Variants in RB1CC1 observed in about 807,000 individuals in gnomAD.
The protein encoded by RB1CC1 is RB1-inducible coiled-coil protein 1.
RB1CC1 carries 46 observed loss-of-function variants against 177.5 expected under a neutral mutation model. The observed-to-expected ratio is 0.26, with a 90% CI of 0.20 to 0.33. The LOEUF (loss-of-function observed/expected upper bound fraction) is 0.33, where lower values mean the gene tolerates loss of function less well. Ranked by LOEUF, RB1CC1 falls within the 10% of genes least tolerant of loss-of-function variation. RB1CC1 has a pLI of 1.00. For synonymous variants in RB1CC1, 666 were observed against 613.6 expected (o/e 1.09, Z -1.26); for missense variants, 1,703 against 1,816.3 (o/e 0.94, Z 1.13).
intron 1 of RB1CC1, among the ~76,000 whole-genome samples, chr8:52,704,453 A>AT (rs1216597760): frequency 3.2e-5 from 3 of 93,412 alleles, no homozygotes; most frequent in Admixed American, 2.0e-4. Flanking sequence ...CAAAGGTGAC[A>AT]TTAAAAAAAA....
At position 52,656,655 on chromosome 8, in the gene RB1CC1, GCAT is replaced by G; in HGVS notation, c.3171_3173del (p.Arg1057_Cys1058delinsSer). 1 of 1,613,826 alleles carries G rather than the reference GCAT, an allele frequency of 6.2e-7. No homozygotes were observed. The highest frequency in any genetic ancestry group is 2.2e-5 in the East Asian group (1 of 44,854). ...TCAACGCAAGTTCAACCTCTAACTT[GCAT>G]CTCGTGTCTGACAAATCAGAAACCT... On this transcript the variant is annotated inframe_deletion, in exon 15 of 24. Coordinates refer to ENST00000025008, the MANE Select transcript of RB1CC1 (RefSeq NM_014781.5).
At chr8:52,660,491 T>G in intron 12 of RB1CC1, 105 bp downstream of exon 12, 1 of 1,113,908 alleles carries the variant, frequency 9.0e-7, no homozygotes, top group Non-Finnish European at 1.3e-6. Context: ...TTGATTTTTT[T>G]TAAACCACAA....
chr8:52,630,633 G>T, intron 20 of RB1CC1, 105 bp from the exon 21 acceptor site: 1 of 1,112,508 alleles, frequency 9.0e-7, no homozygotes, highest in Middle Eastern at 2.1e-4. Context: ...CCTGTGTCCA[G>T]CTTTAAAGAG....
At chr8:52,691,311 T>C (rs1232584826) in intron 1 of RB1CC1, among the ~76,000 whole-genome samples, 3 of 152,180 alleles carry the variant, frequency 2.0e-5, no homozygotes, top group Non-Finnish European at 4.4e-5. Context: ...CAATAAGCTG[T>C]AGCAGCTGTG....
rs1563401350 is a variant in RB1CC1, at chr8:52,662,811, T to G, written c.1174-1092A>C. 3.9e-5 allele frequency among the ~76,000 whole-genome samples: 6 copies of G among 152,070 alleles called. No homozygotes were observed. In the South Asian group the frequency reaches 1.2e-3, roughly 31 times the overall value. Reference sequence around the variant, plus strand: ...GCCTTTTTTTTCCCTTTCAATATACTCTTTGGTTAACTGCAACTATAATTT... The same window carrying G: ...GCCTTTTTTTTCCCTTTCAATATACGCTTTGGTTAACTGCAACTATAATTT... On this transcript the variant is annotated intron_variant, in intron 8 of 23. Coordinates refer to ENST00000025008, the MANE Select transcript of RB1CC1 (RefSeq NM_014781.5).
chr8:52,628,095 G>T lies in RB1CC1; in HGVS notation c.4573C>A (p.Pro1525Thr). The T allele has an allele frequency of 6.2e-7, 1 of 1,605,848 alleles. No individual in the cohort carries two copies. The highest frequency in any genetic ancestry group is 1.1e-5 in the South Asian group (1 of 90,546). ...TCTGAATGTAGAAAATATAAAGTAG[G>T]ACTAACAGTAAATAACACATAATTG... ...HDNYVLFTVS[P>T]TLYFLHSESL... The change falls in exon 22 of 24, where the codon CCT (proline) becomes ACT (threonine). Residue 1525 changes from proline (P) to threonine (T), a missense_variant. Physicochemically the swap from Pro to Thr is conservative, Grantham distance 38. Coordinates refer to ENST00000025008, the MANE Select transcript of RB1CC1 (RefSeq NM_014781.5).
Position 52,660,579 on chromosome 8 carries a change from A to G in RB1CC1, c.1689+17T>C. ...AAACATATGGAATTTAGTCATGGTT[A>G]GAAAATAAATACATACACAAAAGGA... On this transcript the variant is annotated intron_variant, in intron 12 of 23. Transcript: ENST00000025008. The G allele has an allele frequency of 6.4e-7, 1 of 1,569,992 alleles. No individual in the cohort carries two copies. The highest frequency in any genetic ancestry group is 8.6e-7 in the Non-Finnish European group (1 of 1,160,520).
At chr8:52,692,118 C>T (rs970123315) in intron 1 of RB1CC1, among the ~76,000 whole-genome samples, 1 of 152,032 alleles carries the variant, frequency 6.6e-6, no homozygotes, top group Non-Finnish European at 1.5e-5. Context: ...GTAAACTTAG[C>T]CAGGGGTGTG....
intron 20 of RB1CC1, among the ~76,000 whole-genome samples, chr8:52,630,984 CAAAG>C (rs898529208): frequency 2.0e-5 from 3 of 152,172 alleles, no homozygotes; most frequent in African/African-American, 7.2e-5. Context: ...GAACACCAAA[CAAAG>C]GAAGGAAGGG....
At chr8:52,663,766 G>A (rs557685458) in intron 8 of RB1CC1, among the ~76,000 whole-genome samples, 89 of 152,224 alleles carry the variant, frequency 5.8e-4, no homozygotes, top group African/African-American at 2.0e-3. Flanking sequence ...AGACTAGATA[G>A]AATTGTGACA....
intron 4 of RB1CC1, 43 bp downstream of exon 4, chr8:52,683,844 A>G (rs778074176): frequency 6.2e-7 from 1 of 1,602,822 alleles, no homozygotes; most frequent in East Asian, 2.2e-5. Flanking sequence ...AATGTGATGT[A>G]AAGATGTTGC....
chr8:52,680,607 C>A (rs1391945066), intron 5 of RB1CC1, among the ~76,000 whole-genome samples: 1 of 152,162 alleles, frequency 6.6e-6, no homozygotes, highest in Admixed American at 6.5e-5. Context: ...ACATTCACAG[C>A]AGGTTTAGTC....
At chr8:52,677,653 A>C (rs911395891) in intron 5 of RB1CC1, among the ~76,000 whole-genome samples, 2 of 152,166 alleles carry the variant, frequency 1.3e-5, no homozygotes, top group Non-Finnish European at 1.5e-5. Context: ...GGCAAACTGT[A>C]AAAAAGCTAC....
At chr8:52,638,624 A>C (rs1406423209) in intron 18 of RB1CC1, among the ~76,000 whole-genome samples, 1 of 152,034 alleles carries the variant, frequency 6.6e-6, no homozygotes, top group African/African-American at 2.4e-5. Flanking sequence ...TCAAGCTTTA[A>C]ATTTCAATGT....
At chr8:52,699,710 C>A (rs1192848055) in intron 1 of RB1CC1, among the ~76,000 whole-genome samples, 3 of 144,114 alleles carry the variant, frequency 2.1e-5, no homozygotes, top group Non-Finnish European at 3.0e-5. Context: ...TCCCAGCTAC[C>A]TGAGAGGCTG....
chr8:52,636,799 T>A (rs1297393986), intron 18 of RB1CC1, among the ~76,000 whole-genome samples: 1 of 152,192 alleles, frequency 6.6e-6, no homozygotes, highest in Non-Finnish European at 1.5e-5. Context: ...TCCTTTTGCA[T>A]CAGAATATCC....
intron 22 of RB1CC1, 124 bp downstream of exon 22, chr8:52,627,908 C>T: frequency 2.6e-6 from 2 of 758,020 alleles, no homozygotes; most frequent in East Asian, 3.1e-5. Flanking sequence ...TATAAAAAAG[C>T]AGATTACACA....
intron 15 of RB1CC1, among the ~76,000 whole-genome samples, chr8:52,649,944 C>T (rs144587959): frequency 2.4e-4 from 37 of 152,260 alleles, no homozygotes; most frequent in African/African-American, 8.2e-4. Context: ...ACAAGTGGAC[C>T]GAACAGTATC....
At chr8:52,636,955 C>T (rs1391579139) in intron 18 of RB1CC1, among the ~76,000 whole-genome samples, 2 of 152,194 alleles carry the variant, frequency 1.3e-5, no homozygotes, top group Non-Finnish European at 1.5e-5. Context: ...CTGATACAGT[C>T]AGGCTAGCAC....
Sources: allele counts gnomAD v4.1 joint callset (sites outside exome capture counted in the v4.1 genomes callset), GRCh38; gene constraint gnomAD v4.1.1; transcripts MANE v1.5; gene names NCBI Gene and HGNC (gene_info 2026-07-23, HGNC 2026-07-21).